PHLPP1: variants seen among roughly 807,000 people sequenced by gnomAD.
The protein encoded by PHLPP1 is PH domain leucine-rich repeat-containing protein phosphatase 1.
Under a neutral mutation model 117.2 loss-of-function variants are expected in PHLPP1, and 42 were observed. The observed-to-expected ratio is 0.36, with a 90% CI of 0.28 to 0.46. PHLPP1 has a LOEUF of 0.46. PHLPP1 is among the 20% of genes least tolerant of loss of function. The pLI is 1.00. For missense variants in PHLPP1, 2,084 were observed against 2,241.9 expected, an observed-to-expected ratio of 0.93 and a Z score of 1.42; for synonymous variants, 1,042 against 970.7, an observed-to-expected ratio of 1.07 and a Z score of -1.37.
intron 1 of PHLPP1, among the ~76,000 whole-genome samples, chr18:62,808,438 A>G (rs917675267): frequency 3.9e-5 from 6 of 152,196 alleles, no homozygotes; most frequent in African/African-American, 1.4e-4. Flanking sequence ...GATTACATAT[A>G]TTGATAAAAT....
At chr18:62,825,938 C>T (rs577194479) in intron 1 of PHLPP1, among the ~76,000 whole-genome samples, 8 of 152,140 alleles carry the variant, frequency 5.3e-5, no homozygotes, top group South Asian at 2.1e-4. Flanking sequence ...GGCAAAGTGA[C>T]GAGCCAATTA....
intron 14 of PHLPP1, among the ~76,000 whole-genome samples, chr18:62,970,535 C>T (rs899472852): frequency 4.6e-5 from 7 of 152,022 alleles, no homozygotes; most frequent in Admixed American, 3.3e-4. Context: ...GAGGCCGAGG[C>T]GGGCGGATCG....
chr18:62,843,701 C>T (rs938889621), intron 3 of PHLPP1, among the ~76,000 whole-genome samples: 1 of 152,158 alleles, frequency 6.6e-6, no homozygotes, highest in African/African-American at 2.4e-5. Context: ...ATTGAGTAAA[C>T]CTCCTATTAT....
intron 2 of PHLPP1, among the ~76,000 whole-genome samples, chr18:62,835,097 T>A (rs910100666): frequency 5.3e-5 from 8 of 152,210 alleles, no homozygotes; most frequent in Non-Finnish European, 4.4e-5. Context: ...CATATAATAT[T>A]CAAATGATGA....
chr18:62,735,869 A>C (rs1008451805), intron 1 of PHLPP1, among the ~76,000 whole-genome samples: 1 of 152,140 alleles, frequency 6.6e-6, no homozygotes, highest in Non-Finnish European at 1.5e-5. Flanking sequence ...AAGTGAAGTA[A>C]TGTCTGTTAA....
chr18:62,849,690 G>A (rs1915275641), intron 3 of PHLPP1, among the ~76,000 whole-genome samples: 1 of 145,396 alleles, frequency 6.9e-6, no homozygotes, highest in African/African-American at 2.5e-5. Flanking sequence ...ATGGTGAATG[G>A]TGGTTCATGC....
chr18:62,720,586 A>T (rs980265936), intron 1 of PHLPP1, among the ~76,000 whole-genome samples: 2 of 152,182 alleles, frequency 1.3e-5, no homozygotes, highest in Non-Finnish European at 2.9e-5. Context: ...GCATTAAGCT[A>T]TAATATTGAC....
chr18:62,789,073 G>C (rs1038291524), intron 1 of PHLPP1, among the ~76,000 whole-genome samples: 33 of 152,154 alleles, frequency 2.2e-4, no homozygotes, highest in African/African-American at 7.2e-4. Flanking sequence ...CCACATCAAG[G>C]CTTTGTGTCA....
At chr18:62,953,057 C>T (rs563569363) in intron 12 of PHLPP1, among the ~76,000 whole-genome samples, 63 of 152,286 alleles carry the variant, frequency 4.1e-4, no homozygotes, top group African/African-American at 1.2e-3. Flanking sequence ...CGTTAGTGAT[C>T]ACTTAGCCTT....
At chr18:62,813,895 T>C (rs1016245528) in intron 1 of PHLPP1, among the ~76,000 whole-genome samples, 9 of 152,216 alleles carry the variant, frequency 5.9e-5, no homozygotes, top group Admixed American at 3.3e-4. Flanking sequence ...TTTGATGTTG[T>C]ATTATTTTAA....
chr18:62,900,776 T>C (rs1043392904), intron 6 of PHLPP1, among the ~76,000 whole-genome samples: 18 of 152,142 alleles, frequency 1.2e-4, no homozygotes, highest in Non-Finnish European at 2.2e-4. Context: ...TCTTGAACAA[T>C]GCTAAGAGAG....
intron 2 of PHLPP1, among the ~76,000 whole-genome samples, chr18:62,836,024 G>C (rs529377343): frequency 2.6e-5 from 4 of 151,436 alleles, no homozygotes; most frequent in African/African-American, 7.3e-5. Context: ...CAAATGATTC[G>C]CCTGCCTCAG....
chr18:62,822,564 G>T (rs1000465410), intron 1 of PHLPP1, among the ~76,000 whole-genome samples: 1 of 152,028 alleles, frequency 6.6e-6, no homozygotes, highest in Non-Finnish European at 1.5e-5. Flanking sequence ...GATTACAGGC[G>T]TGAGCCACTG....
intron 2 of PHLPP1, among the ~76,000 whole-genome samples, chr18:62,835,388 G>C (rs915299892): frequency 1.3e-5 from 2 of 151,904 alleles, no homozygotes; most frequent in Non-Finnish European, 2.9e-5. Flanking sequence ...ATTTTTAGTA[G>C]AGACTGGGTT....
intron 4 of PHLPP1, among the ~76,000 whole-genome samples, chr18:62,882,858 G>C (rs1476049958): frequency 6.8e-6 from 1 of 147,906 alleles, no homozygotes; most frequent in Non-Finnish European, 1.5e-5. Context: ...CCTTCCCCTA[G>C]TATATAAAAT....
chr18:62,764,467 T>C (rs1274588235), intron 1 of PHLPP1, among the ~76,000 whole-genome samples: 1 of 151,908 alleles, frequency 6.6e-6, no homozygotes, highest in Non-Finnish European at 1.5e-5. Context: ...CTAGTCACAC[T>C]TAACGTTCAT....
chr18:62,929,588 A>G (rs1260948209), intron 10 of PHLPP1, among the ~76,000 whole-genome samples: 1 of 152,174 alleles, frequency 6.6e-6, no homozygotes, highest in African/African-American at 2.4e-5. Context: ...ATAAATGTAG[A>G]TTTGAGACTG....
At chr18:62,946,677 T>C (rs1198633473) in intron 12 of PHLPP1, among the ~76,000 whole-genome samples, 1 of 152,230 alleles carries the variant, frequency 6.6e-6, no homozygotes, top group East Asian at 1.9e-4. Context: ...GCACGTATGC[T>C]TTAAGCCACA....
intron 4 of PHLPP1, among the ~76,000 whole-genome samples, chr18:62,884,205 T>A (rs1465903448): frequency 1.3e-5 from 2 of 152,104 alleles, no homozygotes; most frequent in Non-Finnish European, 2.9e-5. Flanking sequence ...GCAGAAAAAA[T>A]ATATGTGGTA....
Sources: gnomAD v4.1 joint callset for allele counts (sites outside exome capture counted in the v4.1 genomes callset) on GRCh38, gnomAD v4.1.1 for gene constraint, MANE v1.5 for transcripts, NCBI Gene and HGNC (gene_info 2026-07-23, HGNC 2026-07-21) for gene names.